PATJ: variants seen among roughly 807,000 people sequenced by gnomAD.
PATJ encodes PATJ crumbs cell polarity complex component.
In PATJ, 190 loss-of-function variants were observed where a neutral mutation model predicts 224.9. That is an observed-to-expected ratio of 0.84 (90% confidence interval 0.75 to 0.95). PATJ has a LOEUF of 0.95. Ranked by LOEUF, PATJ falls within the 40% of genes least tolerant of loss-of-function variation. PATJ has a pLI of 0.00. For synonymous variants in PATJ, 769 were observed against 820.3 expected (o/e 0.94, Z 1.07); for missense variants, 2,121 against 2,270.3 (o/e 0.93, Z 1.34).
intron 33 of PATJ, among the ~76,000 whole-genome samples, chr1:62,100,750 C>G (rs1038078700): frequency 2.0e-5 from 3 of 152,118 alleles, no homozygotes; most frequent in Non-Finnish European, 2.9e-5. Flanking sequence ...GGACTTGGCA[C>G]CAGAATAAAA....
intron 28 of PATJ, among the ~76,000 whole-genome samples, chr1:62,007,099 A>T (rs1646138995): frequency 6.6e-6 from 1 of 152,198 alleles, no homozygotes; most frequent in Non-Finnish European, 1.5e-5. Context: ...TGACTGAGGC[A>T]TTATTATGTG....
At chr1:61,861,751 A>T (rs1664653558) in intron 19 of PATJ, 84 bp downstream of exon 19, 1 of 621,522 alleles carries the variant, frequency 1.6e-6, no homozygotes, top group Non-Finnish European at 2.7e-6. Flanking sequence ...AAAATAAGAC[A>T]AAAGCTTGTC....
chr1:61,964,452 T>G (rs573516227), intron 27 of PATJ, among the ~76,000 whole-genome samples: 156 of 152,288 alleles, frequency 1.0e-3, no homozygotes, highest in Non-Finnish European at 1.6e-3. Context: ...ATATATAGAT[T>G]AGCAGATTAA....
chr1:61,907,537 T>C (rs575150691), intron 24 of PATJ, among the ~76,000 whole-genome samples: 1 of 152,324 alleles, frequency 6.6e-6, no homozygotes, highest in Non-Finnish European at 1.5e-5. Flanking sequence ...TCCATTTTTT[T>C]CTCTGCACTG....
intron 9 of PATJ, among the ~76,000 whole-genome samples, chr1:61,793,272 G>C (rs1376881804): frequency 6.6e-6 from 1 of 152,078 alleles, no homozygotes; most frequent in Admixed American, 6.5e-5. Context: ...AAACTATCAT[G>C]GTATGGCAGA....
intron 28 of PATJ, among the ~76,000 whole-genome samples, chr1:62,016,824 G>C (rs1423015237): frequency 2.0e-5 from 3 of 152,130 alleles, no homozygotes; most frequent in Admixed American, 1.3e-4. Context: ...ACAAATTTAT[G>C]TTATGTAATA....
chr1:61,778,248 T>C (rs1391708888), intron 7 of PATJ, among the ~76,000 whole-genome samples: 1 of 152,164 alleles, frequency 6.6e-6, no homozygotes, highest in Non-Finnish European at 1.5e-5. Context: ...ACTCCTGGCC[T>C]GAAGCGATCT....
intron 33 of PATJ, among the ~76,000 whole-genome samples, chr1:62,087,657 G>GA (rs1229691637): frequency 6.6e-6 from 1 of 151,568 alleles, no homozygotes; most frequent in East Asian, 2.0e-4. Flanking sequence ...GCCCCGTCTA[G>GA]AAAATCCTGG....
At chr1:61,758,342 A>G (rs1202545065) in intron 1 of PATJ, among the ~76,000 whole-genome samples, 6 of 152,114 alleles carry the variant, frequency 3.9e-5, no homozygotes. Context: ...AACTTACTGT[A>G]GTTTTTTTTG....
At chr1:62,094,111 A>G (rs1315637237) in intron 33 of PATJ, among the ~76,000 whole-genome samples, 1 of 152,142 alleles carries the variant, frequency 6.6e-6, no homozygotes, top group Non-Finnish European at 1.5e-5. Context: ...AAAAACACAC[A>G]CAGCCAGGCA....
chr1:62,113,547 G>A (rs1664101879), intron 34 of PATJ, among the ~76,000 whole-genome samples: 1 of 152,116 alleles, frequency 6.6e-6, no homozygotes, highest in South Asian at 2.1e-4. Flanking sequence ...GAGGTTGAAG[G>A]ATCACTTGAG....
intron 18 of PATJ, 143 bp downstream of exon 18, chr1:61,856,382 C>T: frequency 3.1e-6 from 2 of 650,476 alleles, no homozygotes; most frequent in Non-Finnish European, 5.3e-6. Context: ...TCTTAATGTC[C>T]TTGACTTACA....
chr1:61,897,516 C>T (rs1488772538), intron 22 of PATJ, among the ~76,000 whole-genome samples: 2 of 152,126 alleles, frequency 1.3e-5, no homozygotes, highest in Non-Finnish European at 2.9e-5. Flanking sequence ...CCTTACTCCT[C>T]GTTGTTTCTG....
intron 31 of PATJ, 28 bp downstream of exon 31, chr1:62,051,086 G>A (rs765446292): frequency 6.6e-7 from 1 of 1,515,028 alleles, no homozygotes; most frequent in South Asian, 1.1e-5. Flanking sequence ...TTTTCATCCT[G>A]TATTCTGTTT....
At chr1:62,143,663 T>C (rs1379662951) in intron 41 of PATJ, among the ~76,000 whole-genome samples, 1 of 152,108 alleles carries the variant, frequency 6.6e-6, no homozygotes, top group East Asian at 1.9e-4. Context: ...TTGGCCAGGC[T>C]GGTCTTGAAC....
chr1:62,108,237 T>C (rs1214836071), intron 33 of PATJ, among the ~76,000 whole-genome samples, 200 bp from the exon 34 acceptor site: 1 of 152,224 alleles, frequency 6.6e-6, no homozygotes, highest in East Asian at 1.9e-4. Flanking sequence ...CAGAGCCAGT[T>C]TTAAAGGAAT....
intron 22 of PATJ, among the ~76,000 whole-genome samples, chr1:61,897,032 A>G (rs1179035963): frequency 6.7e-6 from 1 of 148,834 alleles, no homozygotes; most frequent in Non-Finnish European, 1.5e-5. Context: ...AATTACATCA[A>G]TACGATGGCC....
chr1:61,929,189 G>A (rs755444686), intron 27 of PATJ, among the ~76,000 whole-genome samples: 40 of 152,170 alleles, frequency 2.6e-4, no homozygotes, highest in Non-Finnish European at 5.1e-4. Context: ...CAGCTGCCAC[G>A]GAATGGAGCT....
At chr1:61,863,978 A>G (rs1665019154) in intron 19 of PATJ, among the ~76,000 whole-genome samples, 1 of 152,264 alleles carries the variant, frequency 6.6e-6, no homozygotes, top group Non-Finnish European at 1.5e-5. Flanking sequence ...TGGTTAATGT[A>G]TAATGAACGT....
Sources: allele counts gnomAD v4.1 joint callset (sites outside exome capture counted in the v4.1 genomes callset), GRCh38; gene constraint gnomAD v4.1.1; transcripts MANE v1.5; gene names NCBI Gene and HGNC (gene_info 2026-07-23, HGNC 2026-07-21).